Variants in CLEC16A observed in about 807,000 individuals in gnomAD.
CLEC16A encodes the protein C-type lectin domain containing 16A, also known as protein CLEC16A.
In CLEC16A, 51 loss-of-function variants were observed where a neutral mutation model predicts 109.5. That is an observed-to-expected ratio of 0.47 (90% CI 0.37 to 0.59). The LOEUF (loss-of-function observed/expected upper bound fraction) is 0.59. Among genes scored for constraint, CLEC16A ranks in the 20% least tolerant of loss-of-function variants. The probability of loss-of-function intolerance (pLI) is 0.00; values close to 1 mark genes in which losing one functional copy is unlikely to be tolerated. For synonymous variants in CLEC16A, 673 were observed against 564.2 expected (o/e 1.19, Z -2.73); for missense variants, 1,339 against 1,394.0 (o/e 0.96, Z 0.63).
intron 11 of CLEC16A, among the ~76,000 whole-genome samples, chr16:11,016,825 A>G (rs1211454944): frequency 1.3e-5 from 2 of 152,180 alleles, no homozygotes; most frequent in East Asian, 1.9e-4. Flanking sequence ...AAACTATGCA[A>G]ACAAAGCATT....
At chr16:11,053,995 A>G (rs1007041399) in intron 18 of CLEC16A, among the ~76,000 whole-genome samples, 1 of 152,234 alleles carries the variant, frequency 6.6e-6, no homozygotes, top group Non-Finnish European at 1.5e-5. Flanking sequence ...TGGAGCAGGA[A>G]GTGGGACAGG....
chr16:10,951,436 T>C (rs1479185562), intron 1 of CLEC16A, among the ~76,000 whole-genome samples: 1 of 152,242 alleles, frequency 6.6e-6, no homozygotes, highest in African/African-American at 2.4e-5. Context: ...CTCATGTAAA[T>C]TCTTGGCCAA....
chr16:11,046,745 C>T (rs1782761207), intron 16 of CLEC16A, among the ~76,000 whole-genome samples: 1 of 152,204 alleles, frequency 6.6e-6, no homozygotes, highest in African/African-American at 2.4e-5. Flanking sequence ...ACTATGCCCA[C>T]CGTGCTGTTC....
intron 22 of CLEC16A, among the ~76,000 whole-genome samples, chr16:11,147,561 G>T (rs994654898): frequency 6.6e-6 from 1 of 152,206 alleles, no homozygotes; most frequent in Non-Finnish European, 1.5e-5. Context: ...GCTCTACTCA[G>T]AACTTCTTAG....
At chr16:10,999,483 G>A (rs1450561539) in intron 10 of CLEC16A, among the ~76,000 whole-genome samples, 1 of 152,094 alleles carries the variant, frequency 6.6e-6, no homozygotes, top group Non-Finnish European at 1.5e-5. Context: ...TTTTCATCCT[G>A]GTGCTGAGTC....
chr16:11,070,009 G>A (rs1189939894), intron 19 of CLEC16A, among the ~76,000 whole-genome samples: 2 of 152,068 alleles, frequency 1.3e-5, no homozygotes, highest in African/African-American at 4.8e-5. Flanking sequence ...ATGGAGGGAC[G>A]ACTGTATTGT....
chr16:10,949,614 G>C (rs918598244), intron 1 of CLEC16A, among the ~76,000 whole-genome samples: 2 of 152,182 alleles, frequency 1.3e-5, no homozygotes, highest in East Asian at 3.9e-4. Context: ...AGTCTCCAGA[G>C]GCCAGGTCCC....
intron 22 of CLEC16A, among the ~76,000 whole-genome samples, chr16:11,141,628 C>T (rs868291416): frequency 2.6e-5 from 4 of 152,332 alleles, no homozygotes; most frequent in Middle Eastern, 3.4e-3. Context: ...GCTCCTTGCA[C>T]GTACCGTGTG....
intron 22 of CLEC16A, among the ~76,000 whole-genome samples, chr16:11,157,939 G>A (rs2054593772): frequency 6.6e-6 from 1 of 152,252 alleles, no homozygotes; most frequent in East Asian, 1.9e-4. Context: ...TGAGTCAGAA[G>A]CACGAACAAG....
chr16:11,052,837 A>G (rs1470049706), intron 18 of CLEC16A, among the ~76,000 whole-genome samples: 2 of 152,208 alleles, frequency 1.3e-5, no homozygotes, highest in Non-Finnish European at 2.9e-5. Context: ...CAGAAGGTCC[A>G]GAGGACTGAA....
At chr16:11,089,347 A>T (rs181479718) in intron 19 of CLEC16A, among the ~76,000 whole-genome samples, 36 of 152,200 alleles carry the variant, frequency 2.4e-4, no homozygotes, top group Non-Finnish European at 3.8e-4. Context: ...CATTAAATGG[A>T]AGCACCCGAG....
Position 10,977,099 on chromosome 16 carries a change from G to A in CLEC16A, c.729-126G>A, listed in dbSNP as rs551307309. ...ATCTCCCCAGTAGGGGCCAGGATAA[G>A]TGTCTCTTGAGACTAACTCAAATAT... On this transcript the variant is annotated intron_variant, in intron 7 of 23. Coordinates refer to ENST00000409790, the MANE Select transcript of CLEC16A (RefSeq NM_015226.3). 87 of 849,430 alleles carry A rather than the reference G, an allele frequency of 1.0e-4. No individual in the cohort carries two copies. The African/African-American group carries it at 1.4e-3, about 13-fold the overall frequency. The allele number at this position is 849,430 out of a possible 1,614,324, so 52.6% of individuals were successfully genotyped here. A position where few individuals can be genotyped will look rare whatever the true frequency, so the allele number is the denominator to read the frequency against.
chr16:11,157,305 C>G (rs991511798), intron 22 of CLEC16A: 116 of 1,055,818 alleles, frequency 1.1e-4, no homozygotes, highest in Non-Finnish European at 1.3e-4. Context: ...GGAGGCCATA[C>G]GAACATCCCT....
intron 1 of CLEC16A, among the ~76,000 whole-genome samples, chr16:10,951,925 T>TAG (rs2041754662): frequency 6.6e-6 from 1 of 152,210 alleles, no homozygotes; most frequent in South Asian, 2.1e-4. Context: ...TTCAGTGTCA[T>TAG]ACTGTGTAGC....
rs1232371431 is a variant in CLEC16A, at chr16:11,178,942, G to A, written c.*252G>A. 12 of 429,808 alleles carry A rather than the reference G, an allele frequency of 2.8e-5. No homozygotes were observed. The highest frequency in any genetic ancestry group is 4.9e-5 in the Non-Finnish European group (12 of 243,952). The allele number at this position is 429,808 out of a possible 1,614,324, so 26.6% of individuals were successfully genotyped here. A position where few individuals can be genotyped will look rare whatever the true frequency, so the allele number is the denominator to read the frequency against. ...CGCGGCGAATGCAGATGACTGCACCGGCCACTCAGGGAGCTGCCTGGGCTC... is the reference window on the plus strand; with the variant it reads ...CGCGGCGAATGCAGATGACTGCACCAGCCACTCAGGGAGCTGCCTGGGCTC... On this transcript the variant is annotated 3_prime_UTR_variant, in exon 24 of 24. Coordinates refer to ENST00000409790, the MANE Select transcript of CLEC16A (RefSeq NM_015226.3). The surrounding 1 kb of genome is among the most constrained non-coding windows in gnomAD (Gnocchi z 6.5).
intron 21 of CLEC16A, among the ~76,000 whole-genome samples, chr16:11,125,159 G>A (rs2052714776): frequency 6.6e-6 from 1 of 152,176 alleles, no homozygotes; most frequent in Non-Finnish European, 1.5e-5. Flanking sequence ...ATTTGCACAG[G>A]CCCGCGTCCC....
Position 10,954,335 on chromosome 16 carries a change from A to T in CLEC16A, c.81-3447A>T, listed in dbSNP as rs2041884857. ...ATGAAGCCCTCGCAGAGAACCAGGC[A>T]CGTGGGGGCTCCTAGAATCTTTTTT... On this transcript the variant is annotated intron_variant, in intron 1 of 23. Transcript: ENST00000409790. The surrounding 1 kb of genome is among the most constrained non-coding windows in gnomAD (Gnocchi z 4.2). 6.6e-6 allele frequency among the ~76,000 whole-genome samples: 1 copy of T among 152,208 alleles called. No individual in the cohort carries two copies. The highest frequency in any genetic ancestry group is 2.1e-4 in the South Asian group (1 of 4,828).
In CLEC16A at chr16:10,954,668, C is replaced by CA. The variant is rs1282544016; in HGVS notation, c.81-3113dup. 3.3e-5 allele frequency among the ~76,000 whole-genome samples: 5 copies of CA among 152,182 alleles called. No homozygotes were observed. The highest frequency in any genetic ancestry group is 7.3e-5 in the Non-Finnish European group (5 of 68,030). ...GAGGTGTGCTCAGACCCAGGCATTCCAGTGTCTGTGATTAACCCTATGTTC... is the reference window on the plus strand; with the variant it reads ...GAGGTGTGCTCAGACCCAGGCATTCCAAGTGTCTGTGATTAACCCTATGTTC... On this transcript the variant is annotated intron_variant, in intron 1 of 23. Transcript: ENST00000409790. This position sits in a 1 kb window ranked among gnomAD's most constrained non-coding sequence, Gnocchi z 4.2.
chr16:11,051,939 GT>G (rs746361694), intron 18 of CLEC16A, among the ~76,000 whole-genome samples: 1 of 152,228 alleles, frequency 6.6e-6, no homozygotes, highest in Non-Finnish European at 1.5e-5. Flanking sequence ...AATGGGGCCA[GT>G]TTTCTGTGAA....
Sources: gnomAD v4.1 joint callset for allele counts (sites outside exome capture counted in the v4.1 genomes callset) on GRCh38, gnomAD v4.1.1 for gene constraint, Gnocchi (gnomAD v3.1) non-coding constraint, MANE v1.5 for transcripts, NCBI Gene and HGNC (gene_info 2026-07-23, HGNC 2026-07-21) for gene names.